LIPI: variants seen among roughly 807,000 people sequenced by gnomAD.
The protein encoded by LIPI is lipase member I.
A neutral mutation model predicts 50.6 loss-of-function variants in LIPI; 59 were observed. The ratio of observed to expected loss-of-function variants is 1.16; its 90% CI spans 0.94 to 1.45. LIPI has a LOEUF of 1.45. LIPI is among the 40% of genes most tolerant of loss of function. LIPI has a pLI of 0.00. For missense variants in LIPI, 586 were observed against 536.3 expected (o/e 1.09, Z -0.92); for synonymous variants, 203 against 178.2 (o/e 1.14, Z -1.11).
intron 8 of LIPI, among the ~76,000 whole-genome samples, chr21:14,146,463 G>GAT (rs1488582003): frequency 6.6e-6 from 1 of 152,070 alleles, no homozygotes; most frequent in African/African-American, 2.4e-5. Flanking sequence ...TATCAAAACT[G>GAT]ATTTGAATCC....
chr21:14,176,401 T>C (rs1460117034), intron 4 of LIPI, among the ~76,000 whole-genome samples: 2 of 151,988 alleles, frequency 1.3e-5, no homozygotes, highest in African/African-American at 4.8e-5. Flanking sequence ...AGATTATTGA[T>C]TTTCAGCCTT....
At position 14,121,458 on chromosome 21, in the gene LIPI, T is replaced by C. The variant is rs567029910; in HGVS notation, c.1296-12378A>G. 3.2e-4 allele frequency among the ~76,000 whole-genome samples: 48 copies of C among 152,218 alleles called. 2 individuals carry two copies. Among genetic ancestry groups the C allele is most frequent in the Middle Eastern group, 3.4e-3 (1 of 294 alleles). On this transcript the variant is annotated intron_variant, in intron 9 of 9. Transcript: ENST00000681601. ...GTACAGCCGACCAACTGCACTTATA[T>C]CTCAGGTAAAAGGAAATTTAAAGGA...
intron 9 of LIPI, among the ~76,000 whole-genome samples, chr21:14,122,798 A>G (rs2016914350): frequency 6.6e-6 from 1 of 152,222 alleles, no homozygotes; most frequent in South Asian, 2.1e-4. Flanking sequence ...AAGGAGAGCT[A>G]AGCTTTGATC....
At position 14,189,119 on chromosome 21, in the gene LIPI, C is replaced by T. The variant is rs201462167; in HGVS notation, c.347G>A (p.Gly116Asp). Residue 116 changes from glycine (G) to aspartate (D), a missense_variant, in exon 2 of 10, where the codon GGT (glycine) becomes GAT (aspartate). Transcript: ENST00000681601. ...MNVIVVDWSR[G>D]ATTFIYNRAV... is the part of the protein sequence containing the mutation. The stretch of plus-strand genomic sequence containing the variant: ...TCTATTATAAATAAAAGTTGTAGCA[C>T]CCCGGCTCCAGTCTACTACAATTAC... The T allele has an allele frequency of 5.0e-6, 8 of 1,612,884 alleles. No homozygotes were observed. The highest frequency in any genetic ancestry group is 1.7e-5 in the Admixed American group (1 of 59,934).
At chr21:14,176,780 T>TA (rs2019113559) in intron 4 of LIPI, among the ~76,000 whole-genome samples, 1 of 151,200 alleles carries the variant, frequency 6.6e-6, no homozygotes, top group Admixed American at 6.6e-5. Flanking sequence ...TATATTTATT[T>TA]ATTTATTCTT....
At chr21:14,117,954 G>C (rs1286832089) in intron 9 of LIPI, among the ~76,000 whole-genome samples, 1 of 151,974 alleles carries the variant, frequency 6.6e-6, no homozygotes, top group Admixed American at 6.6e-5. Flanking sequence ...TCATGGATGT[G>C]GTCACAGTAG....
intron 8 of LIPI, among the ~76,000 whole-genome samples, chr21:14,151,612 T>C (rs7283108): frequency 0.76 from 115,781 of 152,072 alleles, 44,317 homozygotes; most frequent in Middle Eastern, 0.89. Flanking sequence ...AATGGCTAGT[T>C]AGAAGTCTAG....
intron 1 of LIPI, among the ~76,000 whole-genome samples, chr21:14,197,240 A>C (rs2019894265): frequency 6.6e-6 from 1 of 152,056 alleles, no homozygotes; most frequent in South Asian, 2.1e-4. Context: ...TGGAATCATC[A>C]TACTAATGAT....
intron 4 of LIPI, among the ~76,000 whole-genome samples, chr21:14,172,494 A>T (rs2123200206): frequency 6.6e-6 from 1 of 151,380 alleles, no homozygotes; most frequent in East Asian, 1.9e-4. Flanking sequence ...AGACTGGATT[A>T]AGAAAATGTG....
chr21:14,185,753 G>C (rs761121631), intron 3 of LIPI, among the ~76,000 whole-genome samples: 1 of 151,730 alleles, frequency 6.6e-6, no homozygotes, highest in African/African-American at 2.4e-5. Context: ...GTAGTGAGTG[G>C]GCACCTGTAA....
At chr21:14,139,381 T>C (rs941048197) in intron 9 of LIPI, among the ~76,000 whole-genome samples, 1 of 152,192 alleles carries the variant, frequency 6.6e-6, no homozygotes, top group African/African-American at 2.4e-5. Context: ...TAGCCTTCAA[T>C]TGGGTTTAAG....
chr21:14,166,501 T>C (rs1264063616), intron 4 of LIPI, 50 bp from the exon 5 acceptor site: 1 of 953,280 alleles, frequency 1.0e-6, no homozygotes. Flanking sequence ...ATCAGGTGAG[T>C]ATCTTGCATA....
At chr21:14,170,115 A>G (rs1349697538) in intron 4 of LIPI, among the ~76,000 whole-genome samples, 1 of 152,236 alleles carries the variant, frequency 6.6e-6, no homozygotes, top group Non-Finnish European at 1.5e-5. Flanking sequence ...AAAATCTAGA[A>G]GAAATGGATA....
intron 1 of LIPI, among the ~76,000 whole-genome samples, chr21:14,210,527 C>G (rs905700941): frequency 6.6e-6 from 1 of 151,906 alleles, no homozygotes; most frequent in Non-Finnish European, 1.5e-5. Context: ...TATTTATTCT[C>G]TAGTTACATC....
At chr21:14,207,318 A>G (rs2020252130) in intron 1 of LIPI, among the ~76,000 whole-genome samples, 3 of 152,336 alleles carry the variant, frequency 2.0e-5, no homozygotes, top group Admixed American at 6.5e-5. Context: ...TGTTCCCAAC[A>G]TAAAGAAATG....
At chr21:14,177,351 A>G (rs2019131828) in intron 4 of LIPI, among the ~76,000 whole-genome samples, 1 of 151,986 alleles carries the variant, frequency 6.6e-6, no homozygotes, top group African/African-American at 2.4e-5. Context: ...TCTTTAATAA[A>G]TAAGAGTTGG....
chr21:14,112,771 T>A (rs1054502977), intron 9 of LIPI, among the ~76,000 whole-genome samples: 1 of 152,132 alleles, frequency 6.6e-6, no homozygotes, highest in Admixed American at 6.5e-5. Flanking sequence ...ATATTATGAA[T>A]CTTTTCATAA....
intron 9 of LIPI, among the ~76,000 whole-genome samples, chr21:14,112,964 ATT>A (rs1282859160): frequency 6.6e-6 from 1 of 152,186 alleles, no homozygotes; most frequent in Non-Finnish European, 1.5e-5. Flanking sequence ...AGAAAACCCA[ATT>A]CATAGTCCAC....
intron 1 of LIPI, among the ~76,000 whole-genome samples, chr21:14,205,133 A>G (rs79462758): frequency 0.034 from 5,152 of 151,858 alleles, 103 homozygotes; most frequent in African/African-American, 0.04. Context: ...TATTAAACAT[A>G]TGCTTAGTCT....
Sources: gnomAD v4.1 joint callset for allele counts (sites outside exome capture counted in the v4.1 genomes callset) on GRCh38, gnomAD v4.1.1 for gene constraint, MANE v1.5 for transcripts, NCBI Gene and HGNC (gene_info 2026-07-23, HGNC 2026-07-21) for gene names.